Variants in ZBBX observed in about 807,000 individuals in gnomAD.
The protein encoded by ZBBX is zinc finger B-box domain containing.
ZBBX carries 101 observed loss-of-function variants against 108.5 expected under a neutral mutation model. That is an observed-to-expected ratio of 0.93 (90% confidence interval 0.79 to 1.10). The LOEUF (loss-of-function observed/expected upper bound fraction) is 1.10, where lower values mean the gene tolerates loss of function less well. Among genes scored for constraint, ZBBX ranks in the 50% least tolerant of loss-of-function variants. The pLI is 0.00. For synonymous variants in ZBBX, 356 were observed against 323.4 expected (o/e 1.10, Z -1.08); for missense variants, 1,009 against 941.4 (o/e 1.07, Z -0.94).
chr3:167,348,465 AAGAAAG>A (rs1385621609), intron 9 of ZBBX, among the ~76,000 whole-genome samples: 1 of 125,970 alleles, frequency 7.9e-6, no homozygotes. Context: ...AGAGGAAAGA[AAGAAAG>A]AGAGAGAAGG....
chr3:167,328,256 A>G, intron 10 of ZBBX, 140 bp from the exon 11 acceptor site: 1 of 861,910 alleles, frequency 1.2e-6, no homozygotes, highest in South Asian at 2.1e-5. Flanking sequence ...TTTTAAACTT[A>G]GAATATTTTT....
chr3:167,389,800 T>G (rs1577143723), intron 1 of ZBBX, among the ~76,000 whole-genome samples: 1 of 144,012 alleles, frequency 6.9e-6, no homozygotes, highest in Admixed American at 6.9e-5. Context: ...GTTCATATCC[T>G]TCACCCACTT....
chr3:167,383,811 T>C (rs1024718174), upstream of ZBBX, among the ~76,000 whole-genome samples: 3 of 152,080 alleles, frequency 2.0e-5, no homozygotes, highest in African/African-American at 7.2e-5. Context: ...CTAAGATAGG[T>C]ACAAAGGTGA....
At chr3:167,365,382 A>G (rs1236365667) in intron 6 of ZBBX, among the ~76,000 whole-genome samples, 2 of 151,794 alleles carry the variant, frequency 1.3e-5, no homozygotes, top group Non-Finnish European at 1.5e-5. Flanking sequence ...TATAGCACAC[A>G]GTAAAGGAGC....
chr3:167,267,494 T>C (rs1250778260), intron 20 of ZBBX, among the ~76,000 whole-genome samples: 1 of 152,168 alleles, frequency 6.6e-6, no homozygotes, highest in Non-Finnish European at 1.5e-5. Flanking sequence ...TTCCCCCAGA[T>C]AGTCCCCTAG....
chr3:167,345,553 T>C (rs1397644252), intron 9 of ZBBX, among the ~76,000 whole-genome samples: 1 of 151,918 alleles, frequency 6.6e-6, no homozygotes, highest in African/African-American at 2.4e-5. Flanking sequence ...CATGTGACTT[T>C]ATGATAATTC....
chr3:167,367,441 C>T (rs1490929611), intron 5 of ZBBX, among the ~76,000 whole-genome samples: 3 of 151,674 alleles, frequency 2.0e-5, no homozygotes. Context: ...ATTATATCCA[C>T]ACAAAAAATA....
chr3:167,221,750 A>G, the ZBBX span, among the ~76,000 whole-genome samples: 1 of 151,930 alleles, frequency 6.6e-6, no homozygotes, highest in Non-Finnish European at 1.5e-5. Context: ...AAAAATGGGC[A>G]AAAGATCCGA....
chr3:167,192,647 G>A, the ZBBX span, among the ~76,000 whole-genome samples: 1 of 151,994 alleles, frequency 6.6e-6, no homozygotes, highest in African/African-American at 2.4e-5. Context: ...TATCTTATAG[G>A]TAATATTCAC....
intron 1 of ZBBX, among the ~76,000 whole-genome samples, chr3:167,402,591 C>T (rs6764178): frequency 0.13 from 20,206 of 151,814 alleles, 3,009 homozygotes; most frequent in African/African-American, 0.37. Flanking sequence ...AGGACTCACG[C>T]GCAAGGGAAA....
At chr3:167,319,264 G>A (rs2108306470) in intron 12 of ZBBX, among the ~76,000 whole-genome samples, 1 of 152,074 alleles carries the variant, frequency 6.6e-6, no homozygotes, top group East Asian at 1.9e-4. Context: ...CTAAATGAAG[G>A]ACATGAAAGG....
At chr3:167,349,951 T>A (rs867331991) in intron 9 of ZBBX, among the ~76,000 whole-genome samples, 9 of 151,864 alleles carry the variant, frequency 5.9e-5, no homozygotes, top group Non-Finnish European at 1.3e-4. Context: ...AAACAAAAGG[T>A]CCTTATATGT....
chr3:167,242,856 T>C lies in ZBBX; in HGVS notation c.2255-213A>G, dbSNP rs75969988. 2.4e-3 allele frequency among the ~76,000 whole-genome samples: 368 copies of C among 152,262 alleles called. 6 individuals carry two copies. The East Asian group carries it at 0.048, about 20-fold the overall frequency. Reference sequence around the variant, plus strand: ...TGGGTAGCAAGTCATTTTTATCATATTGATTTGTAAATATACATTACATTT... The same window carrying C: ...TGGGTAGCAAGTCATTTTTATCATACTGATTTGTAAATATACATTACATTT... On this transcript the variant is annotated intron_variant, in intron 20 of 21. Transcript: ENST00000675490.
chr3:167,185,239 A>G, the ZBBX span, among the ~76,000 whole-genome samples: 3 of 152,136 alleles, frequency 2.0e-5, no homozygotes, highest in African/African-American at 7.2e-5. Context: ...AAAATCTCAA[A>G]TCTATTATGC....
chr3:167,202,902 C>G, the ZBBX span, among the ~76,000 whole-genome samples: 3 of 152,036 alleles, frequency 2.0e-5, no homozygotes, highest in Non-Finnish European at 4.4e-5. Flanking sequence ...GTTCTTCTAG[C>G]AAACAGGTAC....
intron 9 of ZBBX, among the ~76,000 whole-genome samples, chr3:167,349,382 G>C (rs1430281481): frequency 6.6e-6 from 1 of 151,940 alleles, no homozygotes; most frequent in Non-Finnish European, 1.5e-5. Flanking sequence ...AATACCATGA[G>C]AGAGAGAAGT....
intron 16 of ZBBX, among the ~76,000 whole-genome samples, chr3:167,311,102 T>C (rs1449316108): frequency 1.3e-5 from 2 of 152,102 alleles, no homozygotes; most frequent in Non-Finnish European, 2.9e-5. Context: ...TTGGAATAAA[T>C]GTAGACAAAT....
chr3:167,312,516 A>C (rs1734760465), intron 16 of ZBBX, among the ~76,000 whole-genome samples: 1 of 152,116 alleles, frequency 6.6e-6, no homozygotes, highest in African/African-American at 2.4e-5. Context: ...ATAATGGGGG[A>C]GGCTATGTAT....
chr3:167,204,042 A>G, the ZBBX span, among the ~76,000 whole-genome samples: 1 of 152,154 alleles, frequency 6.6e-6, no homozygotes, highest in South Asian at 2.1e-4. Flanking sequence ...AGAAGACAAC[A>G]GACAATGTAC....
Sources: gnomAD v4.1 joint callset for allele counts (sites outside exome capture counted in the v4.1 genomes callset) on GRCh38, gnomAD v4.1.1 for gene constraint, MANE v1.5 for transcripts, NCBI Gene and HGNC (gene_info 2026-07-23, HGNC 2026-07-21) for gene names.